ZEB2: variants seen among roughly 807,000 people sequenced by gnomAD.
The protein encoded by ZEB2 is zinc finger E-box binding homeobox 2, also known as zinc finger E-box-binding homeobox 2.
In ZEB2, 6 loss-of-function variants were observed where a neutral mutation model predicts 99.9. That is an observed-to-expected ratio of 0.06 (90% CI 0.03 to 0.12). The LOEUF (loss-of-function observed/expected upper bound fraction) is 0.12. ZEB2 is among the 10% of genes least tolerant of loss of function. ZEB2 has a pLI of 1.00. For missense variants in ZEB2, 969 were observed against 1,502.8 expected (o/e 0.64, Z 5.87); for synonymous variants, 517 against 542.5 (o/e 0.95, Z 0.65).
intron 2 of ZEB2, among the ~76,000 whole-genome samples, chr2:144,515,561 A>C (rs950183791): frequency 2.6e-5 from 4 of 151,942 alleles, no homozygotes; most frequent in South Asian, 2.1e-4. Flanking sequence ...ACTTAAAAAG[A>C]AGCAGCCTGA....
At chr2:144,419,584 G>A (rs1703592159) in intron 4 of ZEB2, among the ~76,000 whole-genome samples, 1 of 152,276 alleles carries the variant, frequency 6.6e-6, no homozygotes, top group East Asian at 1.9e-4. Context: ...CTACTAGCAC[G>A]TAGGCAAACT....
rs751024252 is a variant in ZEB2, at chr2:144,398,474, G to A, written c.2713C>T (p.Pro905Ser). The change falls in exon 8 of 10, where the codon CCC (proline) becomes TCC (serine). Residue 905 changes from proline to serine, a missense_variant. Pro to Ser is a moderately conservative substitution (Grantham distance 74). Coordinates refer to ENST00000627532, the MANE Select transcript of ZEB2 (RefSeq NM_014795.4). ...ACTGGTGGCATGAAAGTAGCAGGGG[G>A]AAATGCGCTTTGAGGTGGAAGAGCT... is the stretch of plus-strand genomic sequence containing the variant. ...YTALPPQSAFPPATFMPPVQT... is the reference protein window; with the variant it reads ...YTALPPQSAFSPATFMPPVQT... 2 of 1,614,084 alleles carry A rather than the reference G, an allele frequency of 1.2e-6. No individual in the cohort carries two copies. Among genetic ancestry groups the A allele is most frequent in the Admixed American group, 1.7e-5 (1 of 60,030 alleles).
chr2:144,465,121 C>T lies in ZEB2; in HGVS notation c.74-35095G>A, dbSNP rs140146224. On this transcript the variant is annotated intron_variant, in intron 2 of 9. Transcript: ENST00000627532. ...AAGAAATCTTTACCCCGTTTGTAGA[C>T]CCCAACAGTTCTCAGAAAACCCTTT... Among the ~76,000 whole-genome samples the T allele has an allele frequency of 1.5e-3, 230 of 152,290 alleles. 3 individuals are homozygous for T. The highest frequency in any genetic ancestry group is 5.2e-3 in the African/African-American group (216 of 41,556).
intron 9 of ZEB2, among the ~76,000 whole-genome samples, chr2:144,393,946 G>T (rs1374248296): frequency 1.3e-5 from 2 of 152,116 alleles, no homozygotes; most frequent in Admixed American, 1.3e-4. Context: ...ATTTGAGATG[G>T]AGTCTCACAC....
At chr2:144,495,669 C>G (rs1487719433) in intron 2 of ZEB2, 1 of 152,238 alleles carries the variant, frequency 6.6e-6, no homozygotes, top group Non-Finnish European at 1.5e-5. Flanking sequence ...TGTGCATGTT[C>G]TGCACAGAGA....
intron 2 of ZEB2, among the ~76,000 whole-genome samples, chr2:144,435,691 G>A (rs1188108155): frequency 6.6e-6 from 1 of 151,780 alleles, no homozygotes; most frequent in Non-Finnish European, 1.5e-5. Context: ...GATCATTTAT[G>A]TTTGAGCCAG....
Position 144,411,971 on chromosome 2 carries a change from T to A in ZEB2, c.404-6947A>T, listed in dbSNP as rs76431079. 7.5e-3 allele frequency among the ~76,000 whole-genome samples: 1,150 copies of A among 152,352 alleles called. 12 individuals are homozygous for A. Among genetic ancestry groups the A allele is most frequent in the African/African-American group, 0.025 (1,053 of 41,582 alleles). On this transcript the variant is annotated intron_variant, in intron 4 of 9. Transcript: ENST00000627532. The stretch of plus-strand genomic sequence containing the variant: ...AGAATGATAGAGTCCATTACTTTTT[T>A]AAAAATTCCCAAGATAGGCCGGGCA...
At chr2:144,411,054 T>A (rs1320887363) in intron 4 of ZEB2, among the ~76,000 whole-genome samples, 4 of 96,964 alleles carry the variant, frequency 4.1e-5, no homozygotes, top group African/African-American at 1.8e-4. Flanking sequence ...TATACAGACA[T>A]GTCTATATAT....
At chr2:144,460,192 T>C (rs1051502692) in intron 2 of ZEB2, among the ~76,000 whole-genome samples, 2 of 152,132 alleles carry the variant, frequency 1.3e-5, no homozygotes, top group Admixed American at 6.5e-5. Flanking sequence ...AGATGTGGAC[T>C]GGGGAAGAGT....
At chr2:144,503,939 G>A (rs1195206106) in intron 2 of ZEB2, 1 of 151,820 alleles carries the variant, frequency 6.6e-6, no homozygotes, top group Admixed American at 6.6e-5. Flanking sequence ...CTTTTTGTTA[G>A]CCAAAATGCA....
chr2:144,393,022 A>G (rs1703172399), intron 9 of ZEB2, among the ~76,000 whole-genome samples: 1 of 152,242 alleles, frequency 6.6e-6, no homozygotes, highest in African/African-American at 2.4e-5. Context: ...TTTCTAAATA[A>G]GGTGGGTTTC....
chr2:144,414,970 G>T (rs1253707483), intron 4 of ZEB2, among the ~76,000 whole-genome samples: 1 of 144,714 alleles, frequency 6.9e-6, no homozygotes, highest in East Asian at 2.0e-4. Flanking sequence ...GTGTGTGTTT[G>T]TATATGTGTG....
intron 4 of ZEB2, among the ~76,000 whole-genome samples, chr2:144,417,289 T>G (rs1222810402): frequency 6.6e-6 from 1 of 152,222 alleles, no homozygotes; most frequent in Non-Finnish European, 1.5e-5. Flanking sequence ...CTCACCCTTC[T>G]ATTTCCTTAA....
intron 2 of ZEB2, among the ~76,000 whole-genome samples, chr2:144,480,259 G>C (rs1297612932): frequency 6.6e-6 from 1 of 151,960 alleles, no homozygotes; most frequent in Non-Finnish European, 1.5e-5. Context: ...CCCATCACCT[G>C]GGAGAAATTC....
At chr2:144,463,402 A>G (rs1315912104) in intron 2 of ZEB2, 2 of 152,222 alleles carry the variant, frequency 1.3e-5, no homozygotes, top group Non-Finnish European at 1.5e-5. Context: ...AAAAGAGGTT[A>G]CCTATTCTCC....
intron 6 of ZEB2, among the ~76,000 whole-genome samples, chr2:144,402,656 A>G (rs1703328602): frequency 1.3e-5 from 2 of 152,200 alleles, no homozygotes; most frequent in Admixed American, 6.5e-5. Context: ...CGCCAACACA[A>G]TCACACTTCT....
At chr2:144,516,684 C>A (rs1190027164) in intron 2 of ZEB2, 2 of 151,752 alleles carry the variant, frequency 1.3e-5, no homozygotes, top group Non-Finnish European at 2.9e-5. Context: ...GGCCGGCCGA[C>A]TCCCTCCCAC....
intron 2 of ZEB2, among the ~76,000 whole-genome samples, chr2:144,482,697 T>C (rs1254957938): frequency 6.6e-6 from 1 of 152,172 alleles, no homozygotes; most frequent in Non-Finnish European, 1.5e-5. Context: ...TTTCACTTCT[T>C]AAATTACTAC....
intron 1 of ZEB2, chr2:144,517,712 A>G: frequency 1.4e-6 from 1 of 702,748 alleles, no homozygotes; most frequent in East Asian, 2.7e-5. Flanking sequence ...ACACGGCGGT[A>G]CAGTAAGACC....
Sources: allele counts gnomAD v4.1 joint callset (sites outside exome capture counted in the v4.1 genomes callset), GRCh38; gene constraint gnomAD v4.1.1; transcripts MANE v1.5; gene names NCBI Gene and HGNC (gene_info 2026-07-23, HGNC 2026-07-21).